Variants in UNC13B observed in about 807,000 individuals in gnomAD.
UNC13B encodes unc-13 homolog B.
A neutral mutation model predicts 211.0 loss-of-function variants in UNC13B; 144 were observed. The ratio of observed to expected loss-of-function variants is 0.68; its 90% confidence interval spans 0.60 to 0.78. UNC13B has a LOEUF of 0.78. Among genes scored for constraint, UNC13B ranks in the 30% least tolerant of loss-of-function variants. The pLI is 0.00. For missense variants in UNC13B, 1,777 were observed against 2,002.0 expected (o/e 0.89, Z 2.14); for synonymous variants, 709 against 725.8 (o/e 0.98, Z 0.37).
chr9:35,222,798 C>T (rs146216310), intron 1 of UNC13B, among the ~76,000 whole-genome samples: 28 of 152,286 alleles, frequency 1.8e-4, no homozygotes, highest in African/African-American at 5.5e-4. Flanking sequence ...CACACTACAA[C>T]GTATTCCTTC....
Position 35,305,076 on chromosome 9 carries a change from A to G in UNC13B, c.5672A>G (p.His1891Arg), listed in dbSNP as rs1362053790. 1.3e-5 allele frequency: 5 copies of G among 398,854 alleles called. No homozygotes were observed. Among genetic ancestry groups the G allele is most frequent in the African/African-American group, 2.1e-5 (1 of 48,624 alleles). 24.7% of individuals were successfully genotyped at this position (398,854 alleles called of 1,614,324 possible). A position where few individuals can be genotyped will look rare whatever the true frequency, so the allele number is the denominator to read the frequency against. The change falls in exon 9 of 40, where the codon CAT (histidine) becomes CGT (arginine). Residue 1891 changes from histidine (H) to arginine (R), a missense_variant. Transcript: ENST00000635942. ...ATTTCAGTTTCTCCTGCACCTCAGC[A>G]TAGTGGGGATGAGCGTGAGAATTAT... ...DSISVSPAPQ[H>R]SGDERENYEL...
chr9:35,353,697 A>G, intron 11 of UNC13B: 1 of 1,232,186 alleles, frequency 8.1e-7, no homozygotes. Flanking sequence ...TACCTCAACA[A>G]GTGCATCAAC....
chr9:35,345,744 G>C (rs928964434), intron 11 of UNC13B, among the ~76,000 whole-genome samples: 6 of 152,198 alleles, frequency 3.9e-5, no homozygotes, highest in African/African-American at 1.4e-4. Context: ...TGCTACTGCT[G>C]AAAGGGAGCC....
At chr9:35,168,320 T>C (rs10972365) in intron 1 of UNC13B, among the ~76,000 whole-genome samples, 29,760 of 151,992 alleles carry the variant, frequency 0.2, 3,320 homozygotes, top group Non-Finnish European at 0.26. Context: ...ATTGCAGGGG[T>C]TTCATATACA....
intron 4 of UNC13B, among the ~76,000 whole-genome samples, chr9:35,237,136 T>C (rs1481877822): frequency 6.6e-6 from 1 of 152,204 alleles, no homozygotes; most frequent in East Asian, 1.9e-4. Flanking sequence ...TTTCCTAGAC[T>C]AGACCATAAC....
At chr9:35,170,247 C>T (rs984053494) in intron 1 of UNC13B, among the ~76,000 whole-genome samples, 2 of 151,854 alleles carry the variant, frequency 1.3e-5, no homozygotes, top group African/African-American at 4.8e-5. Context: ...CTTACTGCAA[C>T]CTCTGCCTCC....
intron 32 of UNC13B, 41 bp downstream of exon 32, chr9:35,398,683 G>A (rs765679446): frequency 9.3e-6 from 15 of 1,607,320 alleles, no homozygotes; most frequent in Non-Finnish European, 1.3e-5. Flanking sequence ...AGCCAGATGT[G>A]GTCCCTAGCC....
rs781451074 is a variant in UNC13B at position 35,313,943 on chromosome 9, C to T, written c.9368C>T (p.Ala3123Val). 1.2e-6 allele frequency: 2 copies of T among 1,613,794 alleles called. No homozygotes were observed. Among genetic ancestry groups the T allele is most frequent in the Non-Finnish European group, 1.7e-6 (2 of 1,179,878 alleles). Reference sequence around the variant, plus strand: ...TCTTCACCATTTACCCAAGCCAGAGCACATTGGATCCGAGCAGTTACCAAG... The same window carrying T: ...TCTTCACCATTTACCCAAGCCAGAGTACATTGGATCCGAGCAGTTACCAAG... ...NASSPFTQAR[A>V]HWIRAVTKVR... Residue 3123 changes from alanine to valine, a missense_variant, in exon 11 of 40, where the codon GCA becomes GTA. Physicochemically the swap from Ala to Val is moderately conservative, Grantham distance 64. Transcript: ENST00000635942.
chr9:35,376,272 C>T (rs373045489), intron 15 of UNC13B, 25 bp downstream of exon 15: 72 of 1,607,998 alleles, frequency 4.5e-5, no homozygotes, highest in African/African-American at 8.0e-5. Flanking sequence ...GGATGAGGGG[C>T]GGGGAGTGGG....
At chr9:35,241,989 C>G (rs1165565191) in intron 5 of UNC13B, among the ~76,000 whole-genome samples, 1 of 152,136 alleles carries the variant, frequency 6.6e-6, no homozygotes, top group Admixed American at 6.6e-5. Context: ...CATGTGGCTA[C>G]TAGAAAGTGT....
chr9:35,364,385 C>T (rs1413322173), intron 11 of UNC13B, among the ~76,000 whole-genome samples: 1 of 152,210 alleles, frequency 6.6e-6, no homozygotes, highest in Non-Finnish European at 1.5e-5. Context: ...ATTCTGGAAG[C>T]CAGTCAGCTG....
At chr9:35,346,871 G>A (rs1026131022) in intron 11 of UNC13B, among the ~76,000 whole-genome samples, 1 of 151,870 alleles carries the variant, frequency 6.6e-6, no homozygotes, top group Non-Finnish European at 1.5e-5. Flanking sequence ...GTTTTGCTGG[G>A]CCTCTCACCT....
chr9:35,229,463 T>TAA (rs1430049583), intron 2 of UNC13B, among the ~76,000 whole-genome samples: 4 of 152,226 alleles, frequency 2.6e-5, no homozygotes, highest in Non-Finnish European at 5.9e-5. Context: ...GTGGAATTTA[T>TAA]ACCCCTTCCT....
Position 35,300,989 on chromosome 9 carries a change from T to C in UNC13B, c.1585T>C (p.Leu529=), listed in dbSNP as rs1458615060. 2.5e-6 allele frequency: 1 copy of C among 398,964 alleles called. No individual in the cohort carries two copies. The allele number at this position is 398,964 out of a possible 1,614,324, so 24.7% of individuals were successfully genotyped here. A position where few individuals can be genotyped will look rare whatever the true frequency, so the allele number is the denominator to read the frequency against. Residue 529 remains leucine, a synonymous_variant, in exon 9 of 40, where the codon TTG becomes CTG. Transcript: ENST00000635942. The stretch of plus-strand genomic sequence containing the variant: ...GGACACGGCCATCTCTTTCCCTGAG[T>C]TGACTGGAGTACAATGTGCTGTTGG... ...DKDTAISFPE[L]TGVQCAVGSL...
At chr9:35,200,026 A>G (rs1823187805) in intron 1 of UNC13B, among the ~76,000 whole-genome samples, 1 of 152,214 alleles carries the variant, frequency 6.6e-6, no homozygotes, top group Non-Finnish European at 1.5e-5. Flanking sequence ...TATAAGGTGT[A>G]AGGAAGGGAT....
intron 7 of UNC13B, among the ~76,000 whole-genome samples, chr9:35,281,301 A>G (rs10972417): frequency 0.12 from 18,689 of 151,036 alleles, 1,619 homozygotes; most frequent in Admixed American, 0.23. Flanking sequence ...CTGTAATCGC[A>G]GCTACTCGAG....
Position 35,389,972 on chromosome 9 carries a change from C to T in UNC13B, c.11221C>T (p.Gln3741Ter). 3 of 1,613,992 alleles carry T rather than the reference C, an allele frequency of 1.9e-6. No homozygotes were observed. The highest frequency in any genetic ancestry group is 2.5e-6 in the Non-Finnish European group (3 of 1,179,886). Residue 3741 changes from glutamine (Q) to a stop codon, truncating the protein, a stop_gained and splice_region_variant, in exon 25 of 40, where the codon CAG becomes TAG. Transcript: ENST00000635942. LOFTEE classifies it high-confidence loss of function. ...DKNSYTPVLN[Q>*]FPQELNVGKV... ...GAATTCCTACACACCTGTTCTGAAC[C>T]AGTGAGTATCACCCTCTTTGGCCCT...
chr9:35,377,183 A>G (rs1834476577), intron 15 of UNC13B, among the ~76,000 whole-genome samples: 1 of 152,250 alleles, frequency 6.6e-6, no homozygotes, highest in Non-Finnish European at 1.5e-5. Flanking sequence ...ATTGGTGCCA[A>G]TGGCAAGGCT....
chr9:35,185,034 A>T (rs895078586), intron 1 of UNC13B, among the ~76,000 whole-genome samples: 11 of 152,180 alleles, frequency 7.2e-5, no homozygotes, highest in Admixed American at 6.5e-4. Context: ...CTCCCACCTC[A>T]AACATATTGA....
Sources: gnomAD v4.1 joint callset for allele counts (sites outside exome capture counted in the v4.1 genomes callset) on GRCh38, gnomAD v4.1.1 for gene constraint, MANE v1.5 for transcripts, NCBI Gene and HGNC (gene_info 2026-07-23, HGNC 2026-07-21) for gene names.